ACBD4: variants seen among roughly 807,000 people sequenced by gnomAD.
ACBD4 encodes the protein acyl-CoA-binding domain-containing protein 4.
In ACBD4, 41 loss-of-function variants were observed where a neutral mutation model predicts 46.0. That is an observed-to-expected ratio of 0.89 (90% confidence interval 0.69 to 1.16). ACBD4 has a LOEUF of 1.16. Ranked by LOEUF, ACBD4 falls within the 50% of genes most tolerant of loss-of-function variation. The probability of loss-of-function intolerance (pLI) is 0.00; values close to 1 mark genes in which losing one functional copy is unlikely to be tolerated. For missense variants in ACBD4, 393 were observed against 399.5 expected (o/e 0.98, Z 0.14); for synonymous variants, 162 against 155.9 (o/e 1.04, Z -0.29).
At chr17:45,133,520 CTTTTTTTTTTTTTTTT>C (rs10569248), upstream of ACBD4, among the ~76,000 whole-genome samples, 1 of 73,802 alleles carries the variant, frequency 1.4e-5, no homozygotes, top group African/African-American at 5.4e-5. Context: ...CCTGAATTTT[CTTTTTTTTTTTTTTTT>C]TTTTTTTTTT....
chr17:45,139,099 G>C lies in ACBD4; in HGVS notation c.728G>C (p.Ser243Thr). 6.2e-7 allele frequency: 1 copy of C among 1,613,936 alleles called. No individual in the cohort carries two copies. The highest frequency in any genetic ancestry group is 8.5e-7 in the Non-Finnish European group (1 of 1,180,036). The change falls in exon 9 of 10, where the codon AGC becomes ACC. Residue 243 changes from serine (S) to threonine (T), a missense_variant. By Grantham distance (58) the Ser-to-Thr change is moderately conservative. Transcript: ENST00000321854. ...LLGTVRALQESMQEVQARVQS... is the reference protein window; with the variant it reads ...LLGTVRALQETMQEVQARVQS... ...GGGACAGTTCGAGCACTACAGGAGA[G>C]CATGCAGGAGGTGCAGGCGAGGGTG...
At chr17:45,138,242 G>A in intron 8 of ACBD4, 1 of 576,236 alleles carries the variant, frequency 1.7e-6, no homozygotes, top group Non-Finnish European at 3.1e-6. Flanking sequence ...AGGCCAGCGG[G>A]ATGGGAGTCC....
chr17:45,142,306 T>C (rs912223977), intron 9 of ACBD4, among the ~76,000 whole-genome samples: 6 of 129,774 alleles, frequency 4.6e-5, no homozygotes, highest in African/African-American at 1.8e-4. Context: ...TGCGGGAGAA[T>C]CGCTTGAACC....
intron 9 of ACBD4, among the ~76,000 whole-genome samples, chr17:45,140,135 C>T (rs1307967368): frequency 1.3e-5 from 2 of 151,960 alleles, no homozygotes; most frequent in East Asian, 1.9e-4. Context: ...AACACTGCTC[C>T]TCCCCCTCAA....
chr17:45,143,441 A>C lies in ACBD4; in HGVS notation c.790-2A>C. ...CTCTGACTCCCTCCCTCTTGGCTGCAGAGGCCGCAGCCCAGGCCCAGTGCT... is the reference window on the plus strand; with the variant it reads ...CTCTGACTCCCTCCCTCTTGGCTGCCGAGGCCGCAGCCCAGGCCCAGTGCT... On this transcript the variant is annotated splice_acceptor_variant, in intron 9 of 9. Coordinates refer to ENST00000321854, the MANE Select transcript of ACBD4 (RefSeq NM_001135705.3). LOFTEE classifies it high-confidence loss of function. 6.9e-6 allele frequency: 11 copies of C among 1,604,808 alleles called. No individual in the cohort carries two copies. Among genetic ancestry groups the C allele is most frequent in the Non-Finnish European group, 8.5e-6 (10 of 1,177,672 alleles).
At chr17:45,138,095 TG>T (rs2054989623) in intron 8 of ACBD4, 107 bp downstream of exon 8, 2 of 1,191,222 alleles carry the variant, frequency 1.7e-6, no homozygotes, top group Non-Finnish European at 2.4e-6. Context: ...AGTCCATTGC[TG>T]GGCACTGAGC....
intron 5 of ACBD4, 46 bp from the exon 6 acceptor site, chr17:45,137,322 T>C: frequency 6.2e-7 from 1 of 1,603,614 alleles, no homozygotes; most frequent in Non-Finnish European, 8.5e-7. Flanking sequence ...CACTGGGAGG[T>C]GCCAGCCTCT....
At position 45,135,910 on chromosome 17, in the gene ACBD4, T is replaced by A; in HGVS notation, c.-81T>A. On this transcript the variant is annotated 5_prime_UTR_variant, in exon 1 of 10. Coordinates refer to ENST00000321854, the MANE Select transcript of ACBD4 (RefSeq NM_001135705.3). ...ATCTGGCACTGAGGCCCTCGCCACC[T>A]GCCTCGCCACCTGGCGACCCTGACC... is the stretch of plus-strand genomic sequence containing the variant. 1.9e-6 allele frequency: 1 copy of A among 526,154 alleles called. No homozygotes were observed. The highest frequency in any genetic ancestry group is 2.3e-5 in the South Asian group (1 of 43,562). 32.6% of individuals were successfully genotyped at this position (526,154 alleles called of 1,614,324 possible). A position where few individuals can be genotyped will look rare whatever the true frequency, so the allele number is the denominator to read the frequency against.
In ACBD4 at chr17:45,143,499, G is replaced by A. The variant is rs371852063; in HGVS notation, c.846G>A (p.Ala282=). The A allele has an allele frequency of 2.5e-5, 40 of 1,613,632 alleles. No homozygotes were observed. The highest frequency in any genetic ancestry group is 3.1e-5 in the Non-Finnish European group (37 of 1,179,978). ...GGCCCCTTGGGCTCCCGGGGCCCGC[G>A]CTGCTCTTCTTCCTCCTGTGGCCCT... ...RPWPLGLPGP[A]LLFFLLWPFV... The change falls in exon 10 of 10, where the codon GCG becomes GCA. Residue 282 remains alanine, a synonymous_variant. Coordinates refer to ENST00000321854, the MANE Select transcript of ACBD4 (RefSeq NM_001135705.3).
intron 9 of ACBD4, among the ~76,000 whole-genome samples, chr17:45,141,749 G>A (rs1038803837): frequency 6.6e-6 from 1 of 152,154 alleles, no homozygotes; most frequent in Non-Finnish European, 1.5e-5. Flanking sequence ...CATGCTATCT[G>A]GATGTCCCAT....
At position 45,143,779 on chromosome 17, in the gene ACBD4, C is replaced by T; in HGVS notation, c.*208C>T. 2.5e-6 allele frequency: 2 copies of T among 801,794 alleles called. No individual in the cohort carries two copies. The highest frequency in any genetic ancestry group is 3.9e-6 in the Non-Finnish European group (2 of 517,244). 49.7% of individuals were successfully genotyped at this position (801,794 alleles called of 1,614,324 possible). On this transcript the variant is annotated 3_prime_UTR_variant, in exon 10 of 10. Transcript: ENST00000321854. ...CGCTTCCTTCCCTCCCCGCAACCAC[C>T]CCAGGCTCCCCTGGGAGGCTGCAGT...
At chr17:45,140,270 G>A (rs1382944357) in intron 9 of ACBD4, among the ~76,000 whole-genome samples, 3 of 149,940 alleles carry the variant, frequency 2.0e-5, no homozygotes, top group Admixed American at 2.0e-4. Context: ...TGCAACCTCC[G>A]CCTCCCGGGT....
Position 45,136,793 on chromosome 17 carries a change from C to T in ACBD4, c.294+17C>T, listed in dbSNP as rs777664392. The T allele has an allele frequency of 3.7e-6, 6 of 1,612,438 alleles. No individual in the cohort carries two copies. Among genetic ancestry groups the T allele is most frequent in the Non-Finnish European group, 3.4e-6 (4 of 1,179,996 alleles). On this transcript the variant is annotated intron_variant, in intron 4 of 9. Coordinates refer to ENST00000321854, the MANE Select transcript of ACBD4 (RefSeq NM_001135705.3). ...GCACAGAAGGTAAGGGCTGCAGGTT[C>T]TCTGTCCCCAGGCTCCTGGCCAGGT...
In ACBD4 at chr17:45,143,757, T is replaced by G; in HGVS notation, c.*186T>G. 1.0e-6 allele frequency: 1 copy of G among 975,522 alleles called. No individual in the cohort carries two copies. The highest frequency in any genetic ancestry group is 1.5e-6 in the Non-Finnish European group (1 of 669,916). 60.4% of individuals were successfully genotyped at this position (975,522 alleles called of 1,614,324 possible). On this transcript the variant is annotated 3_prime_UTR_variant, in exon 10 of 10. Coordinates refer to ENST00000321854, the MANE Select transcript of ACBD4 (RefSeq NM_001135705.3). Reference sequence around the variant, plus strand: ...CCTCCCTGCAGCTTCACAGGGACGCTTCCTTCCCTCCCCGCAACCACCCCA... The same window carrying G: ...CCTCCCTGCAGCTTCACAGGGACGCGTCCTTCCCTCCCCGCAACCACCCCA...
In ACBD4 at chr17:45,138,680, C is replaced by T. The variant is rs186953632; in HGVS notation, c.650-341C>T. The T allele has an allele frequency of 7.8e-4, 224 of 287,662 alleles. 2 individuals carry two copies. Among genetic ancestry groups the T allele is most frequent in the African/African-American group, 4.4e-3 (208 of 46,778 alleles). 17.8% of individuals were successfully genotyped at this position (287,662 alleles called of 1,614,324 possible). Reference sequence around the variant, plus strand: ...GTGGGCACCTATAATCCCAGGTATTCGGGAGGCTGAGGCAGGAGAATCGCT... The same window carrying T: ...GTGGGCACCTATAATCCCAGGTATTTGGGAGGCTGAGGCAGGAGAATCGCT... On this transcript the variant is annotated intron_variant, in intron 8 of 9. Coordinates refer to ENST00000321854, the MANE Select transcript of ACBD4 (RefSeq NM_001135705.3).
chr17:45,138,899 C>T (rs2055069851), intron 8 of ACBD4, 122 bp from the exon 9 acceptor site: 1 of 1,075,486 alleles, frequency 9.3e-7, no homozygotes, highest in East Asian at 2.6e-5. Context: ...GCAAGAATCA[C>T]ACTTGGTACA....
At chr17:45,137,281 C>G in intron 5 of ACBD4, 87 bp from the exon 6 acceptor site, 1 of 1,599,092 alleles carries the variant, frequency 6.3e-7, no homozygotes, top group Non-Finnish European at 8.6e-7. Flanking sequence ...CAGGCAGCAT[C>G]CACGGCTCAT....
chr17:45,143,405 C>T (rs2055414564), intron 9 of ACBD4, 38 bp from the exon 10 acceptor site: 5 of 1,554,640 alleles, frequency 3.2e-6, no homozygotes, highest in East Asian at 2.3e-5. Flanking sequence ...TGTGCTGAGG[C>T]CTGGACTGGC....
At position 45,135,883 on chromosome 17, in the gene ACBD4, A is replaced by G. The variant is rs1261672962; in HGVS notation, c.-108A>G. On this transcript the variant is annotated 5_prime_UTR_variant, in exon 1 of 10. Transcript: ENST00000321854. The stretch of plus-strand genomic sequence containing the variant: ...AAAGGAGGCGCATCTGGGGACGGAC[A>G]CATCTGGCACTGAGGCCCTCGCCAC... 4.3e-6 allele frequency: 2 copies of G among 463,132 alleles called. No homozygotes were observed. The highest frequency in any genetic ancestry group is 2.0e-5 in the African/African-American group (1 of 50,724). The allele number at this position is 463,132 out of a possible 1,614,324, so 28.7% of individuals were successfully genotyped here.
Sources: gnomAD v4.1 joint callset for allele counts (sites outside exome capture counted in the v4.1 genomes callset) on GRCh38, gnomAD v4.1.1 for gene constraint, MANE v1.5 for transcripts, NCBI Gene and HGNC (gene_info 2026-07-23, HGNC 2026-07-21) for gene names.